NMU: variants seen among roughly 807,000 people sequenced by gnomAD.
The protein encoded by NMU is neuromedin U, also known as neuromedin-U.
In NMU, 29 loss-of-function variants were observed where a neutral mutation model predicts 35.4. The observed-to-expected ratio is 0.82, with a 90% CI of 0.61 to 1.12. NMU has a LOEUF of 1.12. Among genes scored for constraint, NMU ranks in the 50% most tolerant of loss-of-function variants. The pLI is 0.00. For missense variants in NMU, 199 were observed against 206.2 expected (o/e 0.97, Z 0.21); for synonymous variants, 78 against 81.3 (o/e 0.96, Z 0.22).
At chr4:55,598,419 G>A (rs552278559) in intron 9 of NMU, among the ~76,000 whole-genome samples, 2 of 152,218 alleles carry the variant, frequency 1.3e-5, no homozygotes, top group East Asian at 1.9e-4. Context: ...ATAAAATCTG[G>A]ATTTAGGATT....
intron 1 of NMU, among the ~76,000 whole-genome samples, chr4:55,634,869 C>G (rs1219745911): frequency 1.3e-5 from 2 of 151,324 alleles, no homozygotes; most frequent in African/African-American, 4.9e-5. Context: ...AGGGGAGTCT[C>G]TCTTTCTGTC....
chr4:55,616,443 T>C (rs1375528946), intron 2 of NMU, 58 bp from the exon 3 acceptor site: 2 of 1,316,566 alleles, frequency 1.5e-6, no homozygotes, highest in African/African-American at 1.4e-5. Context: ...TAACAGAAAG[T>C]AGATTTTACA....
intron 7 of NMU, among the ~76,000 whole-genome samples, chr4:55,602,993 T>G (rs1419733789): frequency 1.3e-5 from 2 of 152,100 alleles, no homozygotes; most frequent in Admixed American, 1.3e-4. Flanking sequence ...TGATCTGAAC[T>G]CAACTTCTTT....
intron 9 of NMU, among the ~76,000 whole-genome samples, chr4:55,595,621 GTGTATA>G (rs772250099): frequency 1.1e-3 from 104 of 93,060 alleles, no homozygotes; most frequent in Non-Finnish European, 1.4e-3. Context: ...ATGTGTGTGT[GTGTATA>G]TATATATATA....
intron 1 of NMU, among the ~76,000 whole-genome samples, chr4:55,633,830 C>T (rs1260375044): frequency 1.3e-5 from 2 of 152,164 alleles, no homozygotes; most frequent in Non-Finnish European, 2.9e-5. Flanking sequence ...AAAGACACTC[C>T]TTAACTTAGT....
At chr4:55,618,955 G>C (rs1734243398) in intron 2 of NMU, among the ~76,000 whole-genome samples, 1 of 146,798 alleles carries the variant, frequency 6.8e-6, no homozygotes, top group African/African-American at 2.5e-5. Context: ...CTGCAGCCTT[G>C]ACTTCTTGGG....
chr4:55,626,196 A>G (rs12498734), intron 2 of NMU, among the ~76,000 whole-genome samples: 75,342 of 152,082 alleles, frequency 0.5, 19,026 homozygotes, highest in East Asian at 0.68. Flanking sequence ...AGAAAGTGAC[A>G]CTTTGCTCTT....
chr4:55,596,247 G>A (rs902472292), intron 9 of NMU, among the ~76,000 whole-genome samples: 1 of 151,768 alleles, frequency 6.6e-6, no homozygotes, highest in African/African-American at 2.4e-5. Flanking sequence ...AAGAAAAAAT[G>A]ATTATTATAT....
intron 2 of NMU, among the ~76,000 whole-genome samples, chr4:55,619,935 C>A (rs1233031982): frequency 7.0e-6 from 1 of 143,330 alleles, no homozygotes; most frequent in Non-Finnish European, 1.5e-5. Flanking sequence ...GGTATTCCAA[C>A]AGACCTGCAG....
chr4:55,626,415 C>T (rs1247022895), intron 2 of NMU, among the ~76,000 whole-genome samples: 1 of 152,160 alleles, frequency 6.6e-6, no homozygotes, highest in Non-Finnish European at 1.5e-5. Flanking sequence ...TCAATATCTT[C>T]TTTCAAAGGC....
At chr4:55,600,371 T>G in intron 8 of NMU, 151 bp downstream of exon 8, 1 of 628,982 alleles carries the variant, frequency 1.6e-6, no homozygotes, top group Non-Finnish European at 2.9e-6. Context: ...AGCAATAAGG[T>G]GGTGACAGAA....
rs921477607 is a variant in NMU, at chr4:55,630,313, G to T, written c.171+89C>A. ...TTATTAGAGTGTTGGTAAAATCATA[G>T]TTCTCCCAAAGCTCAATTATACATT... On this transcript the variant is annotated intron_variant, in intron 2 of 9. Transcript: ENST00000264218. 5 of 968,810 alleles carry T rather than the reference G, an allele frequency of 5.2e-6. No individual in the cohort carries two copies. In the African/African-American group the frequency reaches 8.0e-5, roughly 15 times the overall value. 60.0% of individuals were successfully genotyped at this position (968,810 alleles called of 1,614,324 possible).
At chr4:55,635,728 G>A (rs930078181) in intron 1 of NMU, among the ~76,000 whole-genome samples, 6 of 152,232 alleles carry the variant, frequency 3.9e-5, no homozygotes, top group African/African-American at 1.4e-4. Flanking sequence ...ACATTTTAAT[G>A]TTCACTATTT....
intron 3 of NMU, among the ~76,000 whole-genome samples, chr4:55,612,080 C>A (rs181651261): frequency 1.3e-5 from 2 of 152,124 alleles, no homozygotes; most frequent in East Asian, 1.9e-4. Context: ...GAGTTGGCTG[C>A]GAGAAAAACT....
chr4:55,618,810 CTCTT>C lies in NMU; in HGVS notation c.172-2429_172-2426del, dbSNP rs776142968. Among the ~76,000 whole-genome samples the C allele has an allele frequency of 1.6e-3, 222 of 143,100 alleles. 2 individuals are homozygous for C. The highest frequency in any genetic ancestry group is 2.3e-3 in the Non-Finnish European group (152 of 65,734). 93.9% of individuals were successfully genotyped at this position (143,100 alleles called of 152,430 possible). ...CTTTCTTTCTTCTCTTCCTTTTCTT[CTCTT>C]TCTTCTCTCTTTCTTCTTTCTTTTC... On this transcript the variant is annotated intron_variant, in intron 2 of 9. Coordinates refer to ENST00000264218, the MANE Select transcript of NMU (RefSeq NM_006681.4).
intron 7 of NMU, among the ~76,000 whole-genome samples, chr4:55,602,972 G>GA (rs1240040738): frequency 1.3e-5 from 2 of 152,006 alleles, no homozygotes; most frequent in African/African-American, 4.8e-5. Context: ...TGAAATTAAG[G>GA]AAAACTTTGA....
At chr4:55,611,663 G>A (rs1385560172) in intron 3 of NMU, among the ~76,000 whole-genome samples, 1 of 152,066 alleles carries the variant, frequency 6.6e-6, no homozygotes, top group Non-Finnish European at 1.5e-5. Context: ...TCTACATTTA[G>A]ATATGTTTAA....
chr4:55,619,211 C>T (rs1305779986), intron 2 of NMU, among the ~76,000 whole-genome samples: 5 of 151,142 alleles, frequency 3.3e-5, no homozygotes, highest in African/African-American at 9.7e-5. Context: ...CCAGCGTGAG[C>T]GACGCAGAAG....
intron 2 of NMU, among the ~76,000 whole-genome samples, chr4:55,617,065 A>G (rs1734135654): frequency 6.6e-6 from 1 of 152,204 alleles, no homozygotes; most frequent in South Asian, 2.1e-4. Context: ...GTTGTTTATG[A>G]CATTTATTTC....
Sources: allele counts gnomAD v4.1 joint callset (sites outside exome capture counted in the v4.1 genomes callset), GRCh38; gene constraint gnomAD v4.1.1; transcripts MANE v1.5; gene names NCBI Gene and HGNC (gene_info 2026-07-23, HGNC 2026-07-21).